The following BTG3 variants were observed in gnomAD, a reference collection of about 807,000 sequenced individuals.
BTG3 encodes the protein protein BTG3.
In BTG3, 4 loss-of-function variants were observed where a neutral mutation model predicts 25.8. That is an observed-to-expected ratio of 0.16 (90% confidence interval 0.08 to 0.36). The LOEUF (loss-of-function observed/expected upper bound fraction) is 0.36, where lower values mean the gene tolerates loss of function less well. Among genes scored for constraint, BTG3 ranks in the 10% least tolerant of loss-of-function variants. The pLI, the probability that BTG3 is intolerant of heterozygous loss-of-function variation, is 1.00. For missense variants in BTG3, 201 were observed against 304.9 expected, an observed-to-expected ratio of 0.66 and a Z score of 2.54; for synonymous variants, 107 against 99.9, an observed-to-expected ratio of 1.07 and a Z score of -0.42.
chr21:17,601,789 G>C (rs1210984815), intron 3 of BTG3, among the ~76,000 whole-genome samples: 1 of 152,104 alleles, frequency 6.6e-6, no homozygotes, highest in Non-Finnish European at 1.5e-5. Context: ...AAATGGAAAG[G>C]CAAGAAATTT....
At chr21:17,600,675 G>C (rs768043179) in intron 3 of BTG3, among the ~76,000 whole-genome samples, 3 of 151,166 alleles carry the variant, frequency 2.0e-5, no homozygotes, top group Non-Finnish European at 2.9e-5. Flanking sequence ...AAAAAAACAA[G>C]AACAAAAAAT....
chr21:17,599,461 T>A (rs1173984874), intron 3 of BTG3, among the ~76,000 whole-genome samples: 2 of 148,772 alleles, frequency 1.3e-5, no homozygotes, highest in Non-Finnish European at 3.0e-5. Flanking sequence ...ATTACAGGCA[T>A]GCGCCACTGG....
At chr21:17,598,567 C>T (rs1409127741) in intron 4 of BTG3, 50 bp downstream of exon 4, 6 of 1,511,688 alleles carry the variant, frequency 4.0e-6, no homozygotes, top group Non-Finnish European at 5.5e-6. Flanking sequence ...CCTGAAAGGT[C>T]CTGGCAATCC....
In BTG3 at chr21:17,598,800, G is replaced by A. The variant is rs757948095; in HGVS notation, c.336C>T (p.Phe112=). 62 of 1,613,848 alleles carry A rather than the reference G, an allele frequency of 3.8e-5. No individual in the cohort carries two copies. The highest frequency in any genetic ancestry group is 5.1e-5 in the Non-Finnish European group (60 of 1,179,986). ...CCRYGEKNNA[F]IVASFENKDE... is the part of the protein sequence containing the mutation. ...CTTTATTTTCAAAGCTGGCAACAAT[G>A]AATGCATTGTTTTTCTCTCCATACC... is the stretch of plus-strand genomic sequence containing the variant. The change falls in exon 4 of 5, where the codon TTC becomes TTT. Residue 112 remains phenylalanine (F), a synonymous_variant. Coordinates refer to ENST00000348354, the MANE Select transcript of BTG3 (RefSeq NM_006806.5).
chr21:17,598,906 ACATGC>A, intron 3 of BTG3, 82 bp from the exon 4 acceptor site: 1 of 1,068,766 alleles, frequency 9.4e-7, no homozygotes, highest in Non-Finnish European at 1.3e-6. Flanking sequence ...AGAGATCTGG[ACATGC>A]CATCAATACA....
At chr21:17,595,488 C>G (rs916782074) in intron 4 of BTG3, among the ~76,000 whole-genome samples, 10 of 151,760 alleles carry the variant, frequency 6.6e-5, no homozygotes, top group Admixed American at 2.0e-4. Context: ...ATATTCTATC[C>G]ACATCTATAC....
intron 2 of BTG3, among the ~76,000 whole-genome samples, chr21:17,608,269 A>C (rs2061671477): frequency 6.6e-6 from 1 of 152,018 alleles, no homozygotes; most frequent in African/African-American, 2.4e-5. Context: ...GCTACTTTGG[A>C]GTCTGAGGCA....
intron 2 of BTG3, among the ~76,000 whole-genome samples, chr21:17,605,698 C>T (rs189794755): frequency 1.8e-4 from 27 of 152,072 alleles, no homozygotes; most frequent in Admixed American, 2.6e-4. Flanking sequence ...ACCTATTATA[C>T]GACATCTACC....
chr21:17,598,918 T>A, intron 3 of BTG3, 94 bp from the exon 4 acceptor site: 1 of 937,856 alleles, frequency 1.1e-6, no homozygotes. Context: ...ATGCCATCAA[T>A]ACAAGGCAAA....
chr21:17,610,406 C>T (rs1028367960), intron 1 of BTG3, among the ~76,000 whole-genome samples: 3 of 152,184 alleles, frequency 2.0e-5, no homozygotes, highest in Non-Finnish European at 4.4e-5. Flanking sequence ...AAGAGAGATA[C>T]ATTTATCCAC....
intron 3 of BTG3, among the ~76,000 whole-genome samples, chr21:17,600,441 C>T (rs2061557636): frequency 1.3e-5 from 2 of 152,180 alleles, no homozygotes; most frequent in South Asian, 4.1e-4. Flanking sequence ...TAATTCATTT[C>T]AAGATAGCAC....
intron 2 of BTG3, among the ~76,000 whole-genome samples, chr21:17,605,356 A>T (rs2061625656): frequency 6.6e-6 from 1 of 152,196 alleles, no homozygotes; most frequent in African/African-American, 2.4e-5. Flanking sequence ...TATACAAAAA[A>T]ATCTCTAACA....
intron 2 of BTG3, among the ~76,000 whole-genome samples, chr21:17,607,660 AG>A (rs754184489): frequency 4.6e-5 from 7 of 151,990 alleles, no homozygotes; most frequent in Non-Finnish European, 7.3e-5. Context: ...AGTGGCAGAA[AG>A]GAAGTCCTTC....
intron 3 of BTG3, among the ~76,000 whole-genome samples, chr21:17,604,570 T>C (rs926108187): frequency 1.1e-4 from 16 of 152,310 alleles, no homozygotes; most frequent in African/African-American, 3.4e-4. Context: ...TTAAAGATAA[T>C]AGACACCTAG....
At chr21:17,606,398 A>G (rs972507768) in intron 2 of BTG3, among the ~76,000 whole-genome samples, 3 of 152,276 alleles carry the variant, frequency 2.0e-5, no homozygotes, top group African/African-American at 7.2e-5. Flanking sequence ...TAACAAAGGC[A>G]AAGTGAGAAA....
chr21:17,601,928 AT>A (rs951570452), intron 3 of BTG3, among the ~76,000 whole-genome samples: 2 of 152,164 alleles, frequency 1.3e-5, no homozygotes, highest in African/African-American at 4.8e-5. Context: ...CCTTTGTACT[AT>A]TTTGGTATGA....
At chr21:17,602,764 G>A (rs985288067) in intron 3 of BTG3, among the ~76,000 whole-genome samples, 43 of 152,246 alleles carry the variant, frequency 2.8e-4, no homozygotes, top group African/African-American at 1.0e-3. Context: ...ATCAAGTAAT[G>A]AAATGTCTAC....
Position 17,608,784 on chromosome 21 carries a change from G to A in BTG3, c.173+188C>T, listed in dbSNP as rs539163843. 5.7e-6 allele frequency: 3 copies of A among 524,628 alleles called. No individual in the cohort carries two copies. The African/African-American group carries it at 5.9e-5, about 10-fold the overall frequency. 32.5% of individuals were successfully genotyped at this position (524,628 alleles called of 1,614,324 possible). ...ATTGGCCTCCTGTGTCCAGGCAGTG[G>A]GACTCCACCACTCCGCCAACAAATA... On this transcript the variant is annotated intron_variant, in intron 2 of 4. Coordinates refer to ENST00000348354, the MANE Select transcript of BTG3 (RefSeq NM_006806.5).
At position 17,596,348 on chromosome 21, in the gene BTG3, G is replaced by A. The variant is rs80110501; in HGVS notation, c.520-2016C>T. Among the ~76,000 whole-genome samples the A allele has an allele frequency of 6.3e-3, 964 of 152,000 alleles. 59 individuals are homozygous for A. In the East Asian group the frequency reaches 0.13, roughly 21 times the overall value. Reference sequence around the variant, plus strand: ...TAGTTACTTTTTGTGACCCTCTAGAGGAAATATTTGCCTGTCACAAAATAA... The same window carrying A: ...TAGTTACTTTTTGTGACCCTCTAGAAGAAATATTTGCCTGTCACAAAATAA... On this transcript the variant is annotated intron_variant, in intron 4 of 4. Transcript: ENST00000348354.
Sources: gnomAD v4.1 joint callset for allele counts (sites outside exome capture counted in the v4.1 genomes callset) on GRCh38, gnomAD v4.1.1 for gene constraint, MANE v1.5 for transcripts, NCBI Gene and HGNC (gene_info 2026-07-23, HGNC 2026-07-21) for gene names.